The following NTM variants were observed in gnomAD, a reference collection of about 807,000 sequenced individuals.
The protein encoded by NTM is IgLON family member 2.
A neutral mutation model predicts 42.1 loss-of-function variants in NTM; 13 were observed. That is an observed-to-expected ratio of 0.31 (90% confidence interval 0.20 to 0.49). The LOEUF is 0.49. Ranked by LOEUF, NTM falls within the 20% of genes least tolerant of loss-of-function variation. The pLI is 0.99. For synonymous variants in NTM, 187 were observed against 179.2 expected (o/e 1.04, Z -0.35); for missense variants, 373 against 452.8 (o/e 0.82, Z 1.60).
At chr11:131,427,128 C>T (rs565550214) in intron 1 of NTM, among the ~76,000 whole-genome samples, 14 of 152,000 alleles carry the variant, frequency 9.2e-5, no homozygotes, top group Admixed American at 6.6e-4. Flanking sequence ...GCAGCAGTCT[C>T]GCTGTGGCTG....
rs2082470470 is a variant in NTM at position 131,751,275 on chromosome 11, A to AT, written c.83-160288dup. 2.0e-5 allele frequency among the ~76,000 whole-genome samples: 3 copies of AT among 149,394 alleles called. No homozygotes were observed. In the Admixed American group the frequency reaches 2.0e-4, roughly 10 times the overall value. ...ATGGTGAAACCCCGTCTCTACTAAA[A>AT]TAAAAAATAAATAAATAAATAAATA... On this transcript the variant is annotated intron_variant, in intron 1 of 8. Coordinates refer to ENST00000683400, the MANE Select transcript of NTM (RefSeq NM_001352005.2).
intron 1 of NTM, among the ~76,000 whole-genome samples, chr11:131,566,667 C>A (rs569459645): frequency 1.3e-5 from 2 of 152,148 alleles, no homozygotes; most frequent in Non-Finnish European, 2.9e-5. Flanking sequence ...TAGCCAAATG[C>A]GGCACAACTT....
intron 1 of NTM, among the ~76,000 whole-genome samples, chr11:131,622,828 G>A (rs376364485): frequency 1.3e-5 from 2 of 152,118 alleles, no homozygotes; most frequent in African/African-American, 2.4e-5. Context: ...CAATCGCACC[G>A]ACCCTCCAGG....
intron 4 of NTM, among the ~76,000 whole-genome samples, chr11:132,230,275 T>C (rs960398454): frequency 6.6e-6 from 1 of 152,234 alleles, no homozygotes; most frequent in East Asian, 1.9e-4. Context: ...TTTTTTAAAG[T>C]ATCTGACAGA....
At chr11:132,307,426 G>A (rs2305273) in intron 4 of NTM, among the ~76,000 whole-genome samples, 27,649 of 152,040 alleles carry the variant, frequency 0.18, 2,984 homozygotes, top group Middle Eastern at 0.27. Flanking sequence ...CACTTATTGG[G>A]ACCAGTAATT....
chr11:132,183,507 A>T (rs1441457337), intron 3 of NTM, among the ~76,000 whole-genome samples: 1 of 151,948 alleles, frequency 6.6e-6, no homozygotes, highest in Non-Finnish European at 1.5e-5. Context: ...TAGTTATGAG[A>T]CTCTGGAGCC....
At chr11:131,893,117 T>A (rs1436377618) in intron 1 of NTM, among the ~76,000 whole-genome samples, 3 of 152,152 alleles carry the variant, frequency 2.0e-5, no homozygotes, top group African/African-American at 4.8e-5. Context: ...GACATTGTGG[T>A]CTGGATTATT....
intron 4 of NTM, among the ~76,000 whole-genome samples, chr11:132,224,600 C>T (rs1389271538): frequency 6.6e-6 from 1 of 152,296 alleles, no homozygotes; most frequent in East Asian, 1.9e-4. Context: ...AGGGCAGAAA[C>T]CCCTTTTCTT....
rs7108645 is a variant in NTM at position 131,471,430 on chromosome 11, T to C, written c.82+100542T>C. ...CTATCACGTATGGGGAAAAGACAGA[T>C]AGGACACCATCATCACATGAGTTAT... On this transcript the variant is annotated intron_variant, in intron 1 of 8. Coordinates refer to ENST00000683400, the MANE Select transcript of NTM (RefSeq NM_001352005.2). Among the ~76,000 whole-genome samples the C allele has an allele frequency of 1.4e-3, 206 of 152,282 alleles. 1 individual carries two copies. Among genetic ancestry groups the C allele is most frequent in the African/African-American group, 4.7e-3 (195 of 41,570 alleles).
chr11:131,460,845 C>T (rs957688630), intron 1 of NTM, among the ~76,000 whole-genome samples: 2 of 152,150 alleles, frequency 1.3e-5, no homozygotes, highest in Non-Finnish European at 2.9e-5. Flanking sequence ...TGAACCACCG[C>T]GCCCTGCCAA....
intron 1 of NTM, among the ~76,000 whole-genome samples, chr11:131,660,041 T>TC (rs1436283694): frequency 1.3e-5 from 2 of 152,152 alleles, no homozygotes; most frequent in African/African-American, 2.4e-5. Context: ...AGTAGAATGC[T>TC]CAGAGCCTGG....
chr11:131,956,142 C>T (rs553933339), intron 2 of NTM, among the ~76,000 whole-genome samples: 5 of 152,228 alleles, frequency 3.3e-5, no homozygotes, highest in Middle Eastern at 3.4e-3. Flanking sequence ...TTACATTAGC[C>T]GCACTATAGA....
chr11:131,715,049 G>T (rs2077546256), intron 1 of NTM, among the ~76,000 whole-genome samples: 1 of 152,120 alleles, frequency 6.6e-6, no homozygotes, highest in Non-Finnish European at 1.5e-5. Flanking sequence ...TGGTGCTCCA[G>T]GAATAGTCAC....
At position 132,286,518 on chromosome 11, in the gene NTM, C is replaced by G. The variant is rs372362296; in HGVS notation, c.527-21171C>G. 5.1e-4 allele frequency among the ~76,000 whole-genome samples: 77 copies of G among 152,078 alleles called. No individual in the cohort carries two copies. In the South Asian group the frequency reaches 9.0e-3, roughly 18 times the overall value. On this transcript the variant is annotated intron_variant, in intron 4 of 8. Transcript: ENST00000683400. The stretch of plus-strand genomic sequence containing the variant: ...TATTACACATACTTTGCCTGTCCGC[C>G]CCCCCCACCCAAACACACACAGCCT...
At chr11:131,824,420 G>A (rs1376108962) in intron 1 of NTM, among the ~76,000 whole-genome samples, 2 of 152,160 alleles carry the variant, frequency 1.3e-5, no homozygotes, top group East Asian at 1.9e-4. Context: ...ACTCTCAAGG[G>A]GGTCACAGTG....
At chr11:132,278,854 C>T (rs913599707) in intron 4 of NTM, among the ~76,000 whole-genome samples, 2 of 151,134 alleles carry the variant, frequency 1.3e-5, no homozygotes, top group Non-Finnish European at 2.9e-5. Flanking sequence ...ACTCTACGCT[C>T]CTCTCCTTGT....
intron 1 of NTM, among the ~76,000 whole-genome samples, chr11:131,419,728 T>C (rs1223184085): frequency 6.6e-6 from 1 of 152,008 alleles, no homozygotes; most frequent in African/African-American, 2.4e-5. Flanking sequence ...GGCAAGACAT[T>C]GGAGGGAGGG....
chr11:132,320,826 T>C (rs2095547389), intron 7 of NTM, among the ~76,000 whole-genome samples: 1 of 151,496 alleles, frequency 6.6e-6, no homozygotes, highest in Non-Finnish European at 1.5e-5. Context: ...CAGCTGGAGA[T>C]CTGAGAACGG....
At chr11:131,669,895 A>G (rs789515) in intron 1 of NTM, among the ~76,000 whole-genome samples, 122,307 of 152,076 alleles carry the variant, frequency 0.8, 49,484 homozygotes, top group African/African-American at 0.89. Flanking sequence ...TCTCTTGCCC[A>G]CAAAGGGGCC....
Sources: allele counts gnomAD v4.1 joint callset (sites outside exome capture counted in the v4.1 genomes callset), GRCh38; gene constraint gnomAD v4.1.1; transcripts MANE v1.5; gene names NCBI Gene and HGNC (gene_info 2026-07-23, HGNC 2026-07-21).